SMYD3: variants seen among roughly 807,000 people sequenced by gnomAD.
SMYD3 encodes the protein histone-lysine N-methyltransferase SMYD3.
SMYD3 carries 36 observed loss-of-function variants against 57.7 expected under a neutral mutation model. The observed-to-expected ratio is 0.62, with a 90% CI of 0.48 to 0.82. The LOEUF (loss-of-function observed/expected upper bound fraction) is 0.82. Among genes scored for constraint, SMYD3 ranks in the 40% least tolerant of loss-of-function variants. The probability of loss-of-function intolerance (pLI) is 0.00; values close to 1 mark genes in which losing one functional copy is unlikely to be tolerated. For missense variants in SMYD3, 515 were observed against 538.8 expected (o/e 0.96, Z 0.44); for synonymous variants, 211 against 195.0 (o/e 1.08, Z -0.68).
chr1:246,420,869 A>C (rs2067133598), intron 1 of SMYD3, among the ~76,000 whole-genome samples: 1 of 152,228 alleles, frequency 6.6e-6, no homozygotes, highest in African/African-American at 2.4e-5. Context: ...TTAATGCAGT[A>C]ATTGATGAAC....
intron 5 of SMYD3, among the ~76,000 whole-genome samples, chr1:245,934,181 G>A (rs2056875717): frequency 6.6e-6 from 1 of 152,142 alleles, no homozygotes; most frequent in African/African-American, 2.4e-5. Flanking sequence ...ACTAACTAGA[G>A]GGACTAAATA....
intron 8 of SMYD3, among the ~76,000 whole-genome samples, chr1:245,879,971 C>G (rs1448074869): frequency 6.9e-6 from 1 of 145,872 alleles, no homozygotes; most frequent in African/African-American, 2.5e-5. Flanking sequence ...AGAGATAGCA[C>G]AGGTGCGTTG....
intron 5 of SMYD3, among the ~76,000 whole-genome samples, chr1:246,144,150 C>T (rs571793723): frequency 2.0e-5 from 3 of 152,310 alleles, no homozygotes; most frequent in African/African-American, 7.2e-5. Flanking sequence ...CTGACGGATA[C>T]ACCCGCCAGA....
chr1:246,166,855 T>C lies in SMYD3; in HGVS notation c.531+160346A>G, dbSNP rs552367046. Reference sequence around the variant, plus strand: ...GTAACATTGAGTGCATTCACAATGATAAACGACCACCAACCTATCCAGCTC... The same window carrying C: ...GTAACATTGAGTGCATTCACAATGACAAACGACCACCAACCTATCCAGCTC... On this transcript the variant is annotated intron_variant, in intron 5 of 11. Coordinates refer to ENST00000490107, the MANE Select transcript of SMYD3 (RefSeq NM_001167740.2). Among the ~76,000 whole-genome samples the C allele has an allele frequency of 9.2e-5, 14 of 152,204 alleles. No homozygotes were observed. In the South Asian group the frequency reaches 1.0e-3, roughly 11 times the overall value.
At chr1:245,951,290 C>T (rs755483434) in intron 5 of SMYD3, among the ~76,000 whole-genome samples, 1 of 151,698 alleles carries the variant, frequency 6.6e-6, no homozygotes, top group Non-Finnish European at 1.5e-5. Context: ...GCACAGTACA[C>T]GTCAGATCTC....
chr1:245,996,412 T>C (rs2058932695), intron 5 of SMYD3, among the ~76,000 whole-genome samples: 1 of 152,170 alleles, frequency 6.6e-6, no homozygotes, highest in South Asian at 2.1e-4. Flanking sequence ...CTCCATGCAA[T>C]GCTAATGGGT....
chr1:245,886,081 T>TG (rs1488134481), intron 8 of SMYD3, among the ~76,000 whole-genome samples: 1 of 152,164 alleles, frequency 6.6e-6, no homozygotes, highest in Non-Finnish European at 1.5e-5. Flanking sequence ...AAGAAGGTAT[T>TG]GAAAAAATGC....
chr1:246,014,099 C>T (rs901345001), intron 5 of SMYD3, among the ~76,000 whole-genome samples: 5 of 152,142 alleles, frequency 3.3e-5, no homozygotes, highest in African/African-American at 1.2e-4. Flanking sequence ...CCATGGTGGG[C>T]GGATCATGAG....
intron 5 of SMYD3, among the ~76,000 whole-genome samples, chr1:245,982,426 C>T (rs1041277100): frequency 1.3e-5 from 2 of 152,110 alleles, no homozygotes; most frequent in Admixed American, 6.5e-5. Context: ...TACATCTGTC[C>T]CACATTTATA....
rs78539273 is a variant in SMYD3 at position 246,431,054 on chromosome 1, T to C, written c.165-75960A>G. 7.8e-3 allele frequency among the ~76,000 whole-genome samples: 1,186 copies of C among 152,176 alleles called. 13 individuals are homozygous for C. Among genetic ancestry groups the C allele is most frequent in the African/African-American group, 0.026 (1,091 of 41,514 alleles). ...AGCAGTACACATGGACTAGCAAGGATGGGGTAGTCCACACAGGGAGGTCAG... is the reference window on the plus strand; with the variant it reads ...AGCAGTACACATGGACTAGCAAGGACGGGGTAGTCCACACAGGGAGGTCAG... On this transcript the variant is annotated intron_variant, in intron 1 of 11. Coordinates refer to ENST00000490107, the MANE Select transcript of SMYD3 (RefSeq NM_001167740.2).
intron 5 of SMYD3, among the ~76,000 whole-genome samples, chr1:245,968,013 T>C (rs911137975): frequency 2.6e-5 from 4 of 152,154 alleles, no homozygotes; most frequent in Non-Finnish European, 5.9e-5. Context: ...ACAATATTTA[T>C]TCACAACCCT....
At chr1:246,194,264 G>GT (rs888463821) in intron 5 of SMYD3, among the ~76,000 whole-genome samples, 16 of 148,824 alleles carry the variant, frequency 1.1e-4, no homozygotes, top group African/African-American at 3.8e-4. Context: ...TTCTTGTGGG[G>GT]TTTTTTTGTT....
chr1:245,792,157 A>G (rs1301134817), intron 10 of SMYD3, among the ~76,000 whole-genome samples: 1 of 152,148 alleles, frequency 6.6e-6, no homozygotes, highest in Non-Finnish European at 1.5e-5. Context: ...TCTTCAAGGA[A>G]TATTTATTGA....
intron 5 of SMYD3, among the ~76,000 whole-genome samples, chr1:246,182,045 A>T (rs1476432355): frequency 6.6e-6 from 1 of 152,214 alleles, no homozygotes; most frequent in Non-Finnish European, 1.5e-5. Context: ...TATATAAGGA[A>T]CAGAAAGAGA....
At chr1:246,222,185 G>A (rs895150742) in intron 5 of SMYD3, among the ~76,000 whole-genome samples, 4 of 152,088 alleles carry the variant, frequency 2.6e-5, no homozygotes, top group Admixed American at 1.3e-4. Flanking sequence ...AAGTGCCAGT[G>A]AATTAAAAGA....
intron 5 of SMYD3, among the ~76,000 whole-genome samples, chr1:246,280,073 G>C (rs2064412389): frequency 6.6e-6 from 1 of 152,142 alleles, no homozygotes; most frequent in African/African-American, 2.4e-5. Flanking sequence ...CAAAGAAAAG[G>C]CCATTCATAT....
intron 5 of SMYD3, among the ~76,000 whole-genome samples, chr1:246,117,706 A>G (rs12057201): frequency 0.84 from 127,748 of 152,138 alleles, 53,822 homozygotes; most frequent in Admixed American, 0.89. Context: ...TTCAAGTTCC[A>G]GGGTACATGT....
chr1:246,181,999 G>T (rs1406531792), intron 5 of SMYD3, among the ~76,000 whole-genome samples: 1 of 152,160 alleles, frequency 6.6e-6, no homozygotes, highest in African/African-American at 2.4e-5. Context: ...AGAATTATTT[G>T]AAATCTTCAA....
Position 246,081,162 on chromosome 1 carries a change from T to G in SMYD3, c.532-151225A>C, listed in dbSNP as rs116633480. Among the ~76,000 whole-genome samples the G allele has an allele frequency of 9.9e-3, 1,511 of 152,302 alleles. 18 individuals carry two copies. The highest frequency in any genetic ancestry group is 0.016 in the Non-Finnish European group (1,101 of 68,032). ...TTACATAGCGTCCATTGATTCGCTC[T>G]GGGAAGAGTGTGGTTACCTTCAAAA... On this transcript the variant is annotated intron_variant, in intron 5 of 11. Transcript: ENST00000490107.
Sources: gnomAD v4.1 joint callset for allele counts (sites outside exome capture counted in the v4.1 genomes callset) on GRCh38, gnomAD v4.1.1 for gene constraint, MANE v1.5 for transcripts, NCBI Gene and HGNC (gene_info 2026-07-23, HGNC 2026-07-21) for gene names.